The following DOCK2 variants were observed in gnomAD, a reference collection of about 807,000 sequenced individuals.
DOCK2 encodes dedicator of cytokinesis protein 2.
DOCK2 carries 87 observed loss-of-function variants against 248.9 expected under a neutral mutation model. The observed-to-expected ratio is 0.35, with a 90% confidence interval of 0.29 to 0.42. DOCK2 has a LOEUF of 0.42. Ranked by LOEUF, DOCK2 falls within the 10% of genes least tolerant of loss-of-function variation. The probability of loss-of-function intolerance (pLI) is 1.00; values close to 1 mark genes in which losing one functional copy is unlikely to be tolerated. For synonymous variants in DOCK2, 805 were observed against 821.6 expected, an observed-to-expected ratio of 0.98 and a Z score of 0.35; for missense variants, 1,747 against 2,300.2, an observed-to-expected ratio of 0.76 and a Z score of 4.92.
Position 169,708,209 on chromosome 5 carries a change from A to G in DOCK2, c.1424A>G (p.Glu475Gly). ...GGAGCAGGGGACAAGCCCATGAATGAGTATCGCTCCGTTGTGTACTATCAA... is the reference window on the plus strand; with the variant it reads ...GGAGCAGGGGACAAGCCCATGAATGGGTATCGCTCCGTTGTGTACTATCAA... ...CVGAGDKPMN[E>G]YRSVVYYQVK... Residue 475 changes from glutamate to glycine, a missense_variant, in exon 15 of 52, where the codon GAG becomes GGG. Physicochemically the swap from Glu to Gly is moderately conservative, Grantham distance 98 (BLOSUM62 -2). This residue lies in a region of DOCK2 where 858 missense variants were observed against 1,183.5 expected (regional missense o/e 0.72). Coordinates refer to ENST00000520908, the MANE Select transcript of DOCK2 (RefSeq NM_004946.3). 6.2e-7 allele frequency: 1 copy of G among 1,614,026 alleles called. No homozygotes were observed. The highest frequency in any genetic ancestry group is 8.5e-7 in the Non-Finnish European group (1 of 1,179,966).
chr5:169,893,966 GA>G (rs35627057), intron 27 of DOCK2, among the ~76,000 whole-genome samples: 11,764 of 152,232 alleles, frequency 0.077, 625 homozygotes, highest in Non-Finnish European at 0.12. Flanking sequence ...AAGAAATTAT[GA>G]ATAAAATTGG....
chr5:169,875,905 T>C (rs1334623810), intron 27 of DOCK2: 1 of 152,316 alleles, frequency 6.6e-6, no homozygotes, highest in Admixed American at 6.5e-5. Context: ...TATGTCCCTT[T>C]GTTGAAATTA....
At chr5:169,996,605 C>T (rs1255084917) in intron 30 of DOCK2, among the ~76,000 whole-genome samples, 3 of 152,154 alleles carry the variant, frequency 2.0e-5, no homozygotes, top group African/African-American at 4.8e-5. Flanking sequence ...CAGCCAATAA[C>T]TGGGACCTCT....
intron 30 of DOCK2, among the ~76,000 whole-genome samples, chr5:170,007,275 C>T (rs375227457): frequency 5.3e-5 from 8 of 152,156 alleles, no homozygotes; most frequent in African/African-American, 1.2e-4. Context: ...TTGAGAGGGG[C>T]CTAAAGTGGG....
intron 2 of DOCK2, among the ~76,000 whole-genome samples, chr5:169,654,933 C>T (rs1170277267): frequency 6.6e-6 from 1 of 152,256 alleles, no homozygotes; most frequent in Non-Finnish European, 1.5e-5. Flanking sequence ...ACTCCCCTCC[C>T]CAAGCTGGGA....
chr5:169,974,764 C>T (rs946081943), intron 27 of DOCK2, among the ~76,000 whole-genome samples: 2 of 152,138 alleles, frequency 1.3e-5, no homozygotes, highest in East Asian at 3.9e-4. Context: ...AGAAGCCCAT[C>T]GTTGTTGTAT....
chr5:169,742,578 G>C (rs926203940), intron 22 of DOCK2, among the ~76,000 whole-genome samples: 2 of 152,176 alleles, frequency 1.3e-5, no homozygotes, highest in Non-Finnish European at 2.9e-5. Flanking sequence ...GGTGTTAGGA[G>C]GCTCTCCCTC....
intron 42 of DOCK2, 70 bp from the exon 43 acceptor site, chr5:170,056,614 T>G: frequency 7.6e-7 from 1 of 1,316,788 alleles, no homozygotes. Context: ...CCCTGGACAG[T>G]GCAGGGTCAG....
At chr5:169,760,892 G>C (rs1212667289) in intron 24 of DOCK2, among the ~76,000 whole-genome samples, 1 of 152,118 alleles carries the variant, frequency 6.6e-6, no homozygotes, top group African/African-American at 2.4e-5. Context: ...GTTTATTTTG[G>C]AAAGCCGACA....
chr5:169,965,035 G>A (rs548639686), intron 27 of DOCK2, among the ~76,000 whole-genome samples: 23 of 152,256 alleles, frequency 1.5e-4, no homozygotes, highest in Non-Finnish European at 2.1e-4. Context: ...TCATTCAATC[G>A]CCAAACATCT....
At chr5:169,701,880 G>A (rs1760989491) in intron 13 of DOCK2, among the ~76,000 whole-genome samples, 1 of 152,112 alleles carries the variant, frequency 6.6e-6, no homozygotes, top group Non-Finnish European at 1.5e-5. Flanking sequence ...CTAACCCTGT[G>A]TCCCTAGGAC....
Position 170,020,623 on chromosome 5 carries a change from G to C in DOCK2, c.3381+1515G>C, listed in dbSNP as rs1384113760. 2.0e-5 allele frequency among the ~76,000 whole-genome samples: 3 copies of C among 152,226 alleles called. No homozygotes were observed. The East Asian group carries it at 5.8e-4, about 29-fold the overall frequency. ...AAAGATGAAAAGAAACTGAGACTTA[G>C]AAAGCTGACGTCATCTGCTGAAAGT... On this transcript the variant is annotated intron_variant, in intron 33 of 51. Coordinates refer to ENST00000520908, the MANE Select transcript of DOCK2 (RefSeq NM_004946.3).
chr5:169,684,059 A>C, intron 7 of DOCK2, 137 bp from the exon 8 acceptor site: 1 of 989,070 alleles, frequency 1.0e-6, no homozygotes, highest in Non-Finnish European at 1.5e-6. Context: ...CAGGTTACAG[A>C]AGCTTTTGAT....
intron 27 of DOCK2, among the ~76,000 whole-genome samples, chr5:169,850,433 T>A (rs1306196285): frequency 6.6e-6 from 1 of 152,186 alleles, no homozygotes; most frequent in Admixed American, 6.5e-5. Context: ...AGAAAATTCC[T>A]GAAAGTGTAT....
intron 1 of DOCK2, among the ~76,000 whole-genome samples, chr5:169,644,103 G>A (rs1757309878): frequency 6.6e-6 from 1 of 152,164 alleles, no homozygotes; most frequent in Non-Finnish European, 1.5e-5. Context: ...AAGCAGTAAG[G>A]AATGGATTCT....
chr5:169,962,868 T>C (rs907138232), intron 27 of DOCK2, among the ~76,000 whole-genome samples: 2 of 152,128 alleles, frequency 1.3e-5, no homozygotes, highest in African/African-American at 2.4e-5. Context: ...GAATTCTCCT[T>C]GCCCAGAACA....
At chr5:169,737,595 G>A (rs1359117193) in intron 22 of DOCK2, among the ~76,000 whole-genome samples, 2 of 152,142 alleles carry the variant, frequency 1.3e-5, no homozygotes, top group Non-Finnish European at 2.9e-5. Flanking sequence ...GAATTAGAGG[G>A]TTGAGACTTT....
chr5:169,824,194 G>A (rs531211408), intron 26 of DOCK2, among the ~76,000 whole-genome samples: 168 of 152,164 alleles, frequency 1.1e-3, no homozygotes, highest in African/African-American at 3.8e-3. Context: ...TGGCCATACT[G>A]CCCAAGGTAA....
At chr5:169,828,386 G>C (rs261627) in intron 26 of DOCK2, among the ~76,000 whole-genome samples, 1 of 152,222 alleles carries the variant, frequency 6.6e-6, no homozygotes, top group South Asian at 2.1e-4. Flanking sequence ...ATAGGCTGCT[G>C]TATGTTTCAT....
Sources: gnomAD v4.1 joint callset for allele counts (sites outside exome capture counted in the v4.1 genomes callset) on GRCh38, gnomAD v4.1.1 for gene constraint, gnomAD v4.1.1 regional missense constraint, MANE v1.5 for transcripts, NCBI Gene and HGNC (gene_info 2026-07-23, HGNC 2026-07-21) for gene names.